MYO18B: variants seen among roughly 807,000 people sequenced by gnomAD.
MYO18B encodes the protein unconventional myosin-XVIIIb.
A neutral mutation model predicts 273.0 loss-of-function variants in MYO18B; 204 were observed. That is an observed-to-expected ratio of 0.75 (90% confidence interval 0.67 to 0.84). The LOEUF (loss-of-function observed/expected upper bound fraction) is 0.84, where lower values mean the gene tolerates loss of function less well. Among genes scored for constraint, MYO18B ranks in the 40% least tolerant of loss-of-function variants. The pLI, the probability that MYO18B is intolerant of heterozygous loss-of-function variation, is 0.00. For missense variants in MYO18B, 3,212 were observed against 3,287.6 expected (o/e 0.98, Z 0.56); for synonymous variants, 1,330 against 1,305.7 (o/e 1.02, Z -0.40).
At chr22:26,014,745 A>C (rs888991035) in intron 42 of MYO18B, among the ~76,000 whole-genome samples, 1 of 152,164 alleles carries the variant, frequency 6.6e-6, no homozygotes, top group African/African-American at 2.4e-5. Flanking sequence ...CTTTTAAATA[A>C]TAGCCATTCT....
Position 25,876,328 on chromosome 22 carries a change from AG to A in MYO18B, c.4222del (p.Glu1408ArgfsTer7). The stretch of plus-strand genomic sequence containing the variant: ...ATTGGAACTGAGCAGCTCCGAGCCA[AG>A]GAGGTCAGTCTATGTGGCAGGCAGG... The part of the protein sequence containing the change: ...ATIGTEQLRA[K>X]EEELTTLRRK... On this transcript the variant is annotated frameshift_variant, in exon 24 of 44. Transcript: ENST00000335473. LOFTEE classifies it high-confidence loss of function. 2 of 1,610,374 alleles carry A rather than the reference AG, an allele frequency of 1.2e-6. No individual in the cohort carries two copies. The highest frequency in any genetic ancestry group is 1.7e-6 in the Non-Finnish European group (2 of 1,177,824).
At chr22:26,063,631 T>G in the MYO18B span, among the ~76,000 whole-genome samples, 2 of 152,100 alleles carry the variant, frequency 1.3e-5, no homozygotes, top group Admixed American at 1.3e-4. Context: ...CTGACTCTAT[T>G]TCCCATTTTT....
At chr22:25,843,708 C>T in intron 17 of MYO18B, 27 bp from the exon 18 acceptor site, 2 of 1,603,020 alleles carry the variant, frequency 1.2e-6, no homozygotes, top group Non-Finnish European at 1.7e-6. Context: ...CAGGCTCCAG[C>T]ACTCATGCCA....
rs775422134 is a variant in MYO18B, at chr22:25,947,780, G to C, written c.5700G>C (p.Gln1900His). 10 of 1,613,892 alleles carry C rather than the reference G, an allele frequency of 6.2e-6. No homozygotes were observed. The highest frequency in any genetic ancestry group is 3.3e-5 in the Admixed American group (2 of 60,014). Residue 1900 changes from glutamine to histidine, a missense_variant, in exon 36 of 44, where the codon CAG (glutamine) becomes CAC (histidine). Gln to His is a conservative substitution (Grantham distance 24, BLOSUM62 0). Transcript: ENST00000335473. ...ADLLKRIDED[Q>H]DDLNELMQKH... is the part of the protein sequence containing the mutation. ...TCCTGAAGCGCATCGATGAGGACCA[G>C]GATGACCTGAATGAGCTGATGCAGA...
chr22:25,760,855 G>A, intron 1 of MYO18B, 129 bp from the exon 2 acceptor site: 1 of 581,958 alleles, frequency 1.7e-6, no homozygotes, highest in South Asian at 2.1e-5. Flanking sequence ...AGCTGACAGT[G>A]TCTGTACCTG....
Position 25,927,689 on chromosome 22 carries a change from C to T in MYO18B, c.5517+6280C>T, listed in dbSNP as rs372558646. The stretch of plus-strand genomic sequence containing the variant: ...GTACTCCCTCCCCTTTTGAAACTCC[C>T]TAATAAAAACTTGCTGGTTTTTGTG... On this transcript the variant is annotated intron_variant, in intron 34 of 43. Coordinates refer to ENST00000335473, the MANE Select transcript of MYO18B (RefSeq NM_032608.7). 1.1e-4 allele frequency among the ~76,000 whole-genome samples: 16 copies of T among 152,236 alleles called. 1 individual carries two copies. In the East Asian group the frequency reaches 1.2e-3, roughly 11 times the overall value.
At chr22:26,017,512 A>G (rs1354266322) in intron 42 of MYO18B, among the ~76,000 whole-genome samples, 1 of 152,226 alleles carries the variant, frequency 6.6e-6, no homozygotes. Flanking sequence ...ACGTATCAGT[A>G]TCGCACTTAG....
chr22:26,026,701 C>T lies in MYO18B; in HGVS notation c.6727C>T (p.Leu2243=). The T allele has an allele frequency of 6.2e-7, 1 of 1,613,864 alleles. No individual in the cohort carries two copies. Among genetic ancestry groups the T allele is most frequent in the South Asian group, 1.1e-5 (1 of 91,028 alleles). ...TACATCCCCGCTGTCGAGGGAAAAG[C>T]TGCCCAGTCCTTCAGCGGCCCTCTC... ...TNTSPLSREK[L]PSPSAALSEF... The change falls in exon 43 of 44, where the codon CTG becomes TTG. Residue 2243 remains leucine, a synonymous_variant. Transcript: ENST00000335473.
chr22:26,000,176 G>A (rs916773563), intron 40 of MYO18B, among the ~76,000 whole-genome samples: 5 of 152,236 alleles, frequency 3.3e-5, no homozygotes, highest in Non-Finnish European at 7.3e-5. Flanking sequence ...GACTTGCCTT[G>A]TGGAGCTTGT....
rs199578256 is a variant in MYO18B at position 25,769,142 on chromosome 22, G to A, written c.1226G>A (p.Arg409Gln). The A allele has an allele frequency of 3.3e-4, 538 of 1,613,470 alleles. 1 individual carries two copies. Among genetic ancestry groups the A allele is most frequent in the Non-Finnish European group, 3.2e-4 (379 of 1,179,726 alleles). The part of the protein sequence containing the change: ...QGKSGNAGEA[R>Q]SQTEKGCEAP... ...AAGTCCGGGAACGCAGGTGAAGCTCGGAGTCAGACAGAGAAGGGCTGTGAA... is the reference window on the plus strand; with the variant it reads ...AAGTCCGGGAACGCAGGTGAAGCTCAGAGTCAGACAGAGAAGGGCTGTGAA... Residue 409 changes from arginine (R) to glutamine (Q), a missense_variant, in exon 4 of 44, where the codon CGG (arginine) becomes CAG (glutamine). By Grantham distance (43) the Arg-to-Gln change is conservative. Coordinates refer to ENST00000335473, the MANE Select transcript of MYO18B (RefSeq NM_032608.7).
intron 20 of MYO18B, among the ~76,000 whole-genome samples, chr22:25,848,974 C>G (rs1047133259): frequency 2.0e-5 from 3 of 152,204 alleles, no homozygotes; most frequent in Non-Finnish European, 4.4e-5. Context: ...CAGCTAGAAG[C>G]AAAGATGAGA....
intron 12 of MYO18B, among the ~76,000 whole-genome samples, chr22:25,804,647 A>G (rs1197256368): frequency 6.6e-6 from 1 of 152,190 alleles, no homozygotes; most frequent in Non-Finnish European, 1.5e-5. Context: ...CTGTGTGTGG[A>G]AGGTAGCTTT....
intron 3 of MYO18B, among the ~76,000 whole-genome samples, chr22:25,765,678 C>A (rs2086478599): frequency 6.6e-6 from 1 of 151,930 alleles, no homozygotes; most frequent in African/African-American, 2.4e-5. Context: ...TGCTGTTTCC[C>A]TCTATATGCT....
Position 25,777,601 on chromosome 22 carries a change from G to C in MYO18B, c.1888G>C (p.Asp630His), listed in dbSNP as rs1316516299. ...SAGKVPKGRR[D>H]GLPAHIGSMA... ...CCTGCAGGTGCCCAAGGGCCGCCGG[G>C]ATGGCCTGCCTGCCCACATTGGCTC... Residue 630 changes from aspartate (D) to histidine (H), a missense_variant, in exon 8 of 44, where the codon GAT (aspartate) becomes CAT (histidine). Coordinates refer to ENST00000335473, the MANE Select transcript of MYO18B (RefSeq NM_032608.7). 1.3e-6 allele frequency: 2 copies of C among 1,596,858 alleles called. No homozygotes were observed. The highest frequency in any genetic ancestry group is 1.7e-6 in the Non-Finnish European group (2 of 1,172,148).
chr22:25,742,977 C>T (rs909079114), intron 1 of MYO18B, among the ~76,000 whole-genome samples: 2 of 152,236 alleles, frequency 1.3e-5, no homozygotes, highest in African/African-American at 4.8e-5. Flanking sequence ...GGGGGCTATG[C>T]TTTGACATGG....
At chr22:25,788,254 GC>G (rs1418952687) in intron 11 of MYO18B, among the ~76,000 whole-genome samples, 2 of 152,182 alleles carry the variant, frequency 1.3e-5, no homozygotes, top group Non-Finnish European at 2.9e-5. Context: ...TTTGATACAA[GC>G]CTGGGCTAGT....
chr22:26,009,532 A>G (rs1042174113), intron 42 of MYO18B, among the ~76,000 whole-genome samples: 2 of 152,140 alleles, frequency 1.3e-5, no homozygotes, highest in African/African-American at 4.8e-5. Flanking sequence ...GCCTCAATTT[A>G]CTACAGCCCA....
At chr22:25,799,239 C>G (rs1045024820) in intron 12 of MYO18B, among the ~76,000 whole-genome samples, 1 of 151,358 alleles carries the variant, frequency 6.6e-6, no homozygotes, top group Admixed American at 6.6e-5. Context: ...CATCAGGTTC[C>G]TTTCTACAAC....
At chr22:25,906,892 A>G (rs9620568) in intron 31 of MYO18B, among the ~76,000 whole-genome samples, 18,684 of 152,120 alleles carry the variant, frequency 0.12, 1,827 homozygotes, top group African/African-American at 0.27. Flanking sequence ...CTGTGATCCA[A>G]TCACCTCCCA....
Sources: allele counts gnomAD v4.1 joint callset (sites outside exome capture counted in the v4.1 genomes callset), GRCh38; gene constraint gnomAD v4.1.1; transcripts MANE v1.5; gene names NCBI Gene and HGNC (gene_info 2026-07-23, HGNC 2026-07-21).